DPP6: variants seen among roughly 807,000 people sequenced by gnomAD.
DPP6 encodes A-type potassium channel modulatory protein DPP6.
DPP6 carries 69 observed loss-of-function variants against 122.6 expected under a neutral mutation model. The observed-to-expected ratio is 0.56, with a 90% CI of 0.46 to 0.69. The LOEUF (loss-of-function observed/expected upper bound fraction) is 0.69. Ranked by LOEUF, DPP6 falls within the 30% of genes least tolerant of loss-of-function variation. The pLI, the probability that DPP6 is intolerant of heterozygous loss-of-function variation, is 0.00. For synonymous variants in DPP6, 418 were observed against 433.1 expected, an observed-to-expected ratio of 0.97 and a Z score of 0.43; for missense variants, 928 against 1,116.9, an observed-to-expected ratio of 0.83 and a Z score of 2.41.
chr7:154,422,904 G>A (rs982619012), intron 1 of DPP6, among the ~76,000 whole-genome samples: 4 of 152,080 alleles, frequency 2.6e-5, no homozygotes, highest in South Asian at 2.1e-4. Context: ...TTACTTTTTC[G>A]TAATTTTGTC....
At chr7:154,456,106 TATA>T (rs2151307276) in intron 2 of DPP6, among the ~76,000 whole-genome samples, 1 of 152,304 alleles carries the variant, frequency 6.6e-6, no homozygotes, top group Admixed American at 6.5e-5. Context: ...AAAGCTGTGA[TATA>T]ATAAAATCGG....
the DPP6 span, among the ~76,000 whole-genome samples, chr7:153,800,896 T>C: frequency 5.3e-5 from 8 of 152,346 alleles, no homozygotes; most frequent in Non-Finnish European, 1.2e-4. Context: ...AGAAATGGTG[T>C]ATGTTTGAGG....
intron 2 of DPP6, among the ~76,000 whole-genome samples, chr7:154,463,553 C>A (rs1821518244): frequency 6.6e-6 from 1 of 152,140 alleles, no homozygotes; most frequent in Non-Finnish European, 1.5e-5. Flanking sequence ...TGTAGCCCCA[C>A]AGCTGGGAAT....
At chr7:154,174,825 C>G (rs762146286) in intron 1 of DPP6, among the ~76,000 whole-genome samples, 1 of 151,858 alleles carries the variant, frequency 6.6e-6, no homozygotes, top group Non-Finnish European at 1.5e-5. Context: ...CTTCTCTTAC[C>G]CTCTTTGTTA....
At chr7:153,872,490 A>G in the DPP6 span, among the ~76,000 whole-genome samples, 49 of 152,368 alleles carry the variant, frequency 3.2e-4, no homozygotes, top group African/African-American at 1.1e-3. Context: ...ACTGGTTGCC[A>G]GAAGAATTCT....
intron 1 of DPP6, among the ~76,000 whole-genome samples, chr7:154,385,343 T>G (rs987488545): frequency 5.3e-5 from 8 of 151,934 alleles, no homozygotes; most frequent in Admixed American, 5.2e-4. Flanking sequence ...CCGCCACCCG[T>G]GGGGTTGTGA....
chr7:153,988,459 G>C (rs1385212453), intron 1 of DPP6, among the ~76,000 whole-genome samples: 4 of 152,202 alleles, frequency 2.6e-5, no homozygotes, highest in African/African-American at 9.6e-5. Flanking sequence ...GAGATGGACA[G>C]TGTTACCATT....
chr7:154,865,676 G>A (rs1409730763), intron 17 of DPP6, among the ~76,000 whole-genome samples: 1 of 152,250 alleles, frequency 6.6e-6, no homozygotes, highest in South Asian at 2.1e-4. Context: ...GGGAAACACT[G>A]GTTGATAGTC....
In DPP6 at chr7:154,264,842, TTAA is replaced by T. The variant is rs1208739810; in HGVS notation, c.244-181370_244-181368del. The stretch of plus-strand genomic sequence containing the variant: ...AATGATAGTGATAGTGATGATGGTG[TTAA>T]TGATGATAGTGATAATGATGGTGAT... On this transcript the variant is annotated intron_variant, in intron 1 of 25. Transcript: ENST00000377770. 5.3e-5 allele frequency among the ~76,000 whole-genome samples: 8 copies of T among 150,550 alleles called. No individual in the cohort carries two copies. In the South Asian group the frequency reaches 1.1e-3, roughly 20 times the overall value.
chr7:154,238,920 A>C (rs539092319), intron 1 of DPP6, among the ~76,000 whole-genome samples: 2 of 152,318 alleles, frequency 1.3e-5, no homozygotes, highest in East Asian at 1.9e-4. Flanking sequence ...ACCTCACTCA[A>C]ATACATGTAT....
chr7:154,620,916 A>G (rs1834604793), intron 5 of DPP6, among the ~76,000 whole-genome samples: 1 of 152,232 alleles, frequency 6.6e-6, no homozygotes, highest in South Asian at 2.1e-4. Flanking sequence ...AATAGCTTCA[A>G]ACTTCAAATT....
rs773219494 is a variant in DPP6, at chr7:154,804,969, C to T, written c.1547+5C>T. 48 of 1,594,490 alleles carry T rather than the reference C, an allele frequency of 3.0e-5. No homozygotes were observed. The highest frequency in any genetic ancestry group is 4.0e-5 in the Non-Finnish European group (47 of 1,169,982). ...TCGGAGACGACAACTCTACAGGTAA[C>T]TCCTGCTCCCCCTGCACACAGGGCT... On this transcript the variant is annotated splice_donor_5th_base_variant and intron_variant, in intron 15 of 25. Transcript: ENST00000377770.
In DPP6 at chr7:154,241,185, A is replaced by ATGCGCGTGTGTG. The variant is rs34454400; in HGVS notation, c.243+188124_243+188125insCGCGTGTGTGTG. ...GCACAGTAGGTAATTCAATATCAAT[A>ATGCGCGTGTGTG]TGTGTGTGTGTGTGTGTGTGTGTGT... On this transcript the variant is annotated intron_variant, in intron 1 of 25. Coordinates refer to ENST00000377770, the MANE Select transcript of DPP6 (RefSeq NM_130797.4). The surrounding 1 kb of genome is among the most constrained non-coding windows in gnomAD (Gnocchi z 9.0). Among the ~76,000 whole-genome samples, 17 of 136,212 alleles carry ATGCGCGTGTGTG rather than the reference A, an allele frequency of 1.2e-4. No individual in the cohort carries two copies. The highest frequency in any genetic ancestry group is 4.5e-4 in the African/African-American group (16 of 35,690). The allele number at this position is 136,212 out of a possible 152,430, so 89.4% of individuals were successfully genotyped here.
chr7:154,579,376 AATCTT>A (rs1187416355), intron 5 of DPP6, among the ~76,000 whole-genome samples: 1 of 152,134 alleles, frequency 6.6e-6, no homozygotes, highest in Non-Finnish European at 1.5e-5. Flanking sequence ...GAAAAAGAAA[AATCTT>A]ATGTTTTCTT....
At chr7:154,584,408 G>A (rs1352588809) in intron 5 of DPP6, among the ~76,000 whole-genome samples, 8 of 152,202 alleles carry the variant, frequency 5.3e-5, no homozygotes, top group South Asian at 2.1e-4. Context: ...ACGGTTTTCC[G>A]ATTTCCTGCC....
chr7:154,296,460 C>T (rs1335328318), intron 1 of DPP6, among the ~76,000 whole-genome samples: 1 of 152,210 alleles, frequency 6.6e-6, no homozygotes, highest in Non-Finnish European at 1.5e-5. Context: ...GCAGCTAGCA[C>T]ATAGCAGTTT....
Position 154,889,292 on chromosome 7 carries a change from A to G in DPP6, c.2325A>G (p.Arg775=). ...TGCAGATGACCAAGGTAGCCCATCGAGTCTCCGCGCTGGAAGAACAGCAGT... is the reference window on the plus strand; with the variant it reads ...TGCAGATGACCAAGGTAGCCCATCGGGTCTCCGCGCTGGAAGAACAGCAGT... The part of the protein sequence containing the change: ...RAYEMTKVAH[R]VSALEEQQFL... Residue 775 remains arginine, a synonymous_variant, in exon 24 of 26, where the codon CGA becomes CGG. Coordinates refer to ENST00000377770, the MANE Select transcript of DPP6 (RefSeq NM_130797.4). 1.9e-6 allele frequency: 3 copies of G among 1,612,958 alleles called. No individual in the cohort carries two copies. The highest frequency in any genetic ancestry group is 2.5e-6 in the Non-Finnish European group (3 of 1,179,690).
intron 1 of DPP6, among the ~76,000 whole-genome samples, chr7:153,933,178 A>G (rs552946539): frequency 1.3e-5 from 2 of 152,340 alleles, no homozygotes; most frequent in East Asian, 1.9e-4. Flanking sequence ...ATGGACTAAT[A>G]CACTGTGTAA....
At chr7:154,569,765 C>T (rs914577863) in intron 5 of DPP6, among the ~76,000 whole-genome samples, 2 of 151,546 alleles carry the variant, frequency 1.3e-5, no homozygotes, top group African/African-American at 4.9e-5. Context: ...TCCCACATTT[C>T]GTCAGGATAA....
Sources: gnomAD v4.1 joint callset for allele counts (sites outside exome capture counted in the v4.1 genomes callset) on GRCh38, gnomAD v4.1.1 for gene constraint, Gnocchi (gnomAD v3.1) non-coding constraint, MANE v1.5 for transcripts, NCBI Gene and HGNC (gene_info 2026-07-23, HGNC 2026-07-21) for gene names.